Variants in CDK19 observed in about 807,000 individuals in gnomAD.
The protein encoded by CDK19 is cyclin-dependent kinase 19.
In CDK19, 20 loss-of-function variants were observed where a neutral mutation model predicts 68.3. The observed-to-expected ratio is 0.29, with a 90% CI of 0.21 to 0.43. The LOEUF (loss-of-function observed/expected upper bound fraction) is 0.43. CDK19 is among the 20% of genes least tolerant of loss of function. CDK19 has a pLI of 1.00. For missense variants in CDK19, 339 were observed against 623.5 expected (o/e 0.54, Z 4.86); for synonymous variants, 221 against 222.8 (o/e 0.99, Z 0.07).
Position 110,614,676 on chromosome 6 carries a change from G to A in CDK19, c.1378-10C>T. On this transcript the variant is annotated splice_polypyrimidine_tract_variant and intron_variant, in intron 12 of 12. Transcript: ENST00000368911. ...GGCGAGAACTGGAGTGCTAGGAGAA[G>A]GAAACAGGAAAAGGGAATTACTGAT... The A allele has an allele frequency of 1.2e-6, 2 of 1,613,732 alleles. No homozygotes were observed. Among genetic ancestry groups the A allele is most frequent in the Non-Finnish European group, 8.5e-7 (1 of 1,179,790 alleles).
chr6:110,767,118 G>A (rs573012902), intron 1 of CDK19, among the ~76,000 whole-genome samples: 5 of 151,692 alleles, frequency 3.3e-5, no homozygotes, highest in Admixed American at 3.3e-4. Context: ...GGGCGACAGA[G>A]TGAGACTCTG....
intron 1 of CDK19, among the ~76,000 whole-genome samples, chr6:110,760,396 CAAAAAAAAAAAAAAA>C (rs34613571): frequency 2.5e-5 from 1 of 39,778 alleles, no homozygotes; most frequent in Non-Finnish European, 4.5e-5. Flanking sequence ...GGCTTTGTCT[CAAAAAAAAAAAAAAA>C]AAAAAAAAAA....
chr6:110,737,530 T>C (rs192566661), intron 2 of CDK19, among the ~76,000 whole-genome samples: 20 of 152,280 alleles, frequency 1.3e-4, no homozygotes, highest in Admixed American at 1.2e-3. Context: ...ACAGGCATAG[T>C]AGAGCAGACA....
intron 4 of CDK19, among the ~76,000 whole-genome samples, chr6:110,641,784 T>C (rs959368994): frequency 6.6e-6 from 1 of 152,030 alleles, no homozygotes; most frequent in Non-Finnish European, 1.5e-5. Context: ...GAATAGTCTT[T>C]AGGAAGATGA....
intron 4 of CDK19, chr6:110,646,431 G>C: frequency 6.7e-7 from 1 of 1,499,172 alleles, no homozygotes; most frequent in Non-Finnish European, 8.9e-7. Context: ...TTCCCGCGCC[G>C]CAGCTACCCC....
At chr6:110,663,124 T>C (rs1288224086) in intron 4 of CDK19, among the ~76,000 whole-genome samples, 1 of 152,186 alleles carries the variant, frequency 6.6e-6, no homozygotes, top group African/African-American at 2.4e-5. Flanking sequence ...TCTAACACAT[T>C]TAATTATATG....
intron 1 of CDK19, among the ~76,000 whole-genome samples, chr6:110,790,233 T>C (rs1781495964): frequency 6.6e-6 from 1 of 152,132 alleles, no homozygotes; most frequent in Non-Finnish European, 1.5e-5. Flanking sequence ...ATTTTTAAGT[T>C]TTTAATTATA....
chr6:110,699,540 T>C (rs1295453268), intron 2 of CDK19, among the ~76,000 whole-genome samples: 1 of 151,290 alleles, frequency 6.6e-6, no homozygotes, highest in South Asian at 2.1e-4. Flanking sequence ...TACACAAAAG[T>C]ATTCAAAGTG....
rs1400763051 is a variant in CDK19 at position 110,764,560 on chromosome 6, T to C, written c.129-18359A>G. ...CTAGCACTGGACAACTGGACGTGCA[T>C]ATGCTAAAAAAAAGAATCTAGACAC... On this transcript the variant is annotated intron_variant, in intron 1 of 12. Coordinates refer to ENST00000368911, the MANE Select transcript of CDK19 (RefSeq NM_015076.5). Among the ~76,000 whole-genome samples, 4 of 152,252 alleles carry C rather than the reference T, an allele frequency of 2.6e-5. No homozygotes were observed. The South Asian group carries it at 6.2e-4, about 24-fold the overall frequency.
At chr6:110,658,913 CTG>C (rs1182435182) in intron 4 of CDK19, among the ~76,000 whole-genome samples, 9 of 152,194 alleles carry the variant, frequency 5.9e-5, no homozygotes, top group African/African-American at 1.7e-4. Context: ...TTCAGGAACT[CTG>C]GAGCTACATT....
chr6:110,752,225 A>C (rs942970201), intron 1 of CDK19, among the ~76,000 whole-genome samples: 1 of 138,108 alleles, frequency 7.2e-6, no homozygotes, highest in Non-Finnish European at 1.6e-5. Context: ...TTTTTCAAAA[A>C]TAAATAAATA....
intron 1 of CDK19, among the ~76,000 whole-genome samples, chr6:110,768,721 G>GAGGGA (rs1779762746): frequency 6.6e-6 from 1 of 152,176 alleles, no homozygotes; most frequent in South Asian, 2.1e-4. Context: ...GGCTTGCAGG[G>GAGGGA]AGGGAACCAG....
At chr6:110,798,250 C>G (rs1426326504) in intron 1 of CDK19, among the ~76,000 whole-genome samples, 1 of 151,824 alleles carries the variant, frequency 6.6e-6, no homozygotes, top group African/African-American at 2.4e-5. Context: ...AAGATGGCAA[C>G]TGTATTAAAG....
intron 2 of CDK19, among the ~76,000 whole-genome samples, chr6:110,696,166 A>G (rs1383892307): frequency 6.6e-6 from 1 of 152,268 alleles, no homozygotes; most frequent in Non-Finnish European, 1.5e-5. Context: ...AAGTGGGTTC[A>G]TAACAGTGAT....
chr6:110,694,829 G>A (rs960124016), intron 2 of CDK19, among the ~76,000 whole-genome samples: 1 of 152,142 alleles, frequency 6.6e-6, no homozygotes, highest in African/African-American at 2.4e-5. Flanking sequence ...AATAAAATTG[G>A]AAATTGGCTG....
intron 2 of CDK19, among the ~76,000 whole-genome samples, chr6:110,715,988 A>T (rs1775358077): frequency 6.6e-6 from 1 of 152,224 alleles, no homozygotes; most frequent in Admixed American, 6.5e-5. Flanking sequence ...TTACTAACAA[A>T]GCACGCATTT....
intron 2 of CDK19, among the ~76,000 whole-genome samples, chr6:110,742,629 C>T (rs1777766137): frequency 6.6e-6 from 1 of 152,100 alleles, no homozygotes; most frequent in East Asian, 1.9e-4. Flanking sequence ...AGAATGCATT[C>T]CTGGGGGGAG....
intron 1 of CDK19, 179 bp downstream of exon 1, chr6:110,814,830 C>T: frequency 1.2e-6 from 1 of 819,006 alleles, no homozygotes; most frequent in Non-Finnish European, 2.0e-6. Context: ...GCGACGGGGC[C>T]GCGCGGGGGA....
intron 1 of CDK19, among the ~76,000 whole-genome samples, chr6:110,767,593 T>A (rs1583055594): frequency 6.6e-6 from 1 of 151,484 alleles, no homozygotes; most frequent in African/African-American, 2.4e-5. Flanking sequence ...TGACCTCAGG[T>A]GATCCACGCT....
Sources: allele counts gnomAD v4.1 joint callset (sites outside exome capture counted in the v4.1 genomes callset), GRCh38; gene constraint gnomAD v4.1.1; transcripts MANE v1.5; gene names NCBI Gene and HGNC (gene_info 2026-07-23, HGNC 2026-07-21).